The following PLEKHG7 variants were observed in gnomAD, a reference collection of about 807,000 sequenced individuals.
PLEKHG7 encodes the protein pleckstrin homology and RhoGEF domain containing G7.
PLEKHG7 carries 77 observed loss-of-function variants against 85.2 expected under a neutral mutation model. The observed-to-expected ratio is 0.90, with a 90% CI of 0.75 to 1.09. PLEKHG7 has a LOEUF of 1.09. PLEKHG7 is among the 50% of genes least tolerant of loss of function. PLEKHG7 has a pLI of 0.00. For synonymous variants in PLEKHG7, 301 were observed against 302.4 expected (o/e 1.00, Z 0.05); for missense variants, 777 against 804.3 (o/e 0.97, Z 0.41).
At chr12:92,741,286 G>T (rs931532192) in intron 8 of PLEKHG7, among the ~76,000 whole-genome samples, 3 of 152,000 alleles carry the variant, frequency 2.0e-5, no homozygotes, top group Non-Finnish European at 2.9e-5. Flanking sequence ...AAAAGTAAAG[G>T]AAGAGAGATA....
At chr12:92,718,820 G>A (rs1871559637) in intron 3 of PLEKHG7, among the ~76,000 whole-genome samples, 1 of 152,198 alleles carries the variant, frequency 6.6e-6, no homozygotes, top group Admixed American at 6.5e-5. Context: ...GCAGTTGCCA[G>A]CAGTTACCAT....
chr12:92,708,851 G>A (rs756438213), intron 3 of PLEKHG7, among the ~76,000 whole-genome samples: 3 of 152,212 alleles, frequency 2.0e-5, no homozygotes, highest in Admixed American at 1.3e-4. Flanking sequence ...CCAACAGTGG[G>A]AGAGCATTGA....
intron 3 of PLEKHG7, among the ~76,000 whole-genome samples, chr12:92,715,833 C>T (rs1388775075): frequency 1.3e-5 from 2 of 151,814 alleles, no homozygotes; most frequent in Admixed American, 1.3e-4. Context: ...AACGCCCACT[C>T]ATTTGTGCAT....
chr12:92,709,468 TA>T (rs1871326519), intron 3 of PLEKHG7, among the ~76,000 whole-genome samples: 1 of 152,208 alleles, frequency 6.6e-6, no homozygotes, highest in African/African-American at 2.4e-5. Context: ...TTTGAGGAAC[TA>T]TGAAACATCT....
chr12:92,726,683 C>A (rs1871827151), intron 3 of PLEKHG7, among the ~76,000 whole-genome samples: 1 of 152,094 alleles, frequency 6.6e-6, no homozygotes, highest in Non-Finnish European at 1.5e-5. Context: ...GCACTGTTCC[C>A]TACTGTGTCT....
At chr12:92,761,601 G>GAA in intron 13 of PLEKHG7, 151 bp from the exon 14 acceptor site, 2 of 978,662 alleles carry the variant, frequency 2.0e-6, no homozygotes, top group Non-Finnish European at 2.7e-6. Context: ...TGAAAAGAAA[G>GAA]AAAGAAAAAG....
chr12:92,761,723 C>G, intron 13 of PLEKHG7, 29 bp from the exon 14 acceptor site: 1 of 1,538,658 alleles, frequency 6.5e-7, no homozygotes, highest in Non-Finnish European at 8.7e-7. Flanking sequence ...GTTTCAGGTC[C>G]CCATTTCAGC....
chr12:92,744,403 G>C (rs893178650), intron 9 of PLEKHG7, among the ~76,000 whole-genome samples: 11 of 152,192 alleles, frequency 7.2e-5, no homozygotes, highest in African/African-American at 2.6e-4. Context: ...CAAGAAAGAC[G>C]CTTAATTGAG....
intron 13 of PLEKHG7, 84 bp from the exon 14 acceptor site, chr12:92,761,668 A>G (rs1342729879): frequency 7.9e-7 from 1 of 1,273,638 alleles, no homozygotes; most frequent in Admixed American, 4.1e-5. Context: ...GAAAGAAAGA[A>G]AGAAAGAAAG....
rs575561271 is a variant in PLEKHG7 at position 92,756,351 on chromosome 12, C to G, written c.1596C>G (p.Thr532=). The change falls in exon 13 of 17, where the codon ACC becomes ACG. Residue 532 remains threonine, a synonymous_variant. Coordinates refer to ENST00000344636, the MANE Select transcript of PLEKHG7 (RefSeq NM_001377329.1). ...EHMAENILSP[T]SRHLLYEGKL... ...TGGCAGAAAACATCTTGTCACCAAC[C>G]AGCAGACACCTTCTCTATGAAGGAA... is the stretch of plus-strand genomic sequence containing the variant. 184 of 1,613,304 alleles carry G rather than the reference C, an allele frequency of 1.1e-4. 2 individuals are homozygous for G. In the South Asian group the frequency reaches 1.9e-3, roughly 16 times the overall value.
At position 92,770,158 on chromosome 12, in the gene PLEKHG7, C is replaced by G. The variant is rs1205218743; in HGVS notation, c.2039C>G (p.Ser680Cys). Residue 680 changes from serine (S) to cysteine (C), a missense_variant, in exon 17 of 17, where the codon TCT becomes TGT. By Grantham distance (112) the Ser-to-Cys change is moderately radical (BLOSUM62 -1). Transcript: ENST00000344636. ...FTKSQETKKI[S>C]LFTLPAESSE... ...AAGAGTCAGGAAACCAAGAAAATAT[C>G]TTTATTCACATTGCCCGCAGAATCC... 1.2e-6 allele frequency: 2 copies of G among 1,607,202 alleles called. No homozygotes were observed. The highest frequency in any genetic ancestry group is 1.7e-6 in the Non-Finnish European group (2 of 1,176,966).
At chr12:92,759,081 A>C (rs927282086) in intron 13 of PLEKHG7, among the ~76,000 whole-genome samples, 5 of 152,224 alleles carry the variant, frequency 3.3e-5, no homozygotes, top group African/African-American at 1.2e-4. Flanking sequence ...CCTAACACAT[A>C]CTGTGTTTCC....
chr12:92,704,593 G>A (rs191365022), intron 1 of PLEKHG7, among the ~76,000 whole-genome samples: 1 of 152,294 alleles, frequency 6.6e-6, no homozygotes, highest in East Asian at 1.9e-4. Flanking sequence ...TATAACAATT[G>A]AGTCCTCAGC....
At chr12:92,743,495 A>G (rs1872428410) in intron 9 of PLEKHG7, among the ~76,000 whole-genome samples, 1 of 151,754 alleles carries the variant, frequency 6.6e-6, no homozygotes. Context: ...AGCTAAGATC[A>G]TATAGCCAAT....
chr12:92,707,779 G>A, intron 3 of PLEKHG7, 107 bp downstream of exon 3: 2 of 1,577,096 alleles, frequency 1.3e-6, no homozygotes, highest in Non-Finnish European at 1.7e-6. Flanking sequence ...GTTAACCAGT[G>A]CACTTTGTTT....
At chr12:92,761,631 A>AAAG (rs1555196588) in intron 13 of PLEKHG7, 121 bp from the exon 14 acceptor site, 9 of 155,428 alleles carry the variant, frequency 5.8e-5, no homozygotes, top group East Asian at 4.5e-4. Context: ...AAGAAGAAAG[A>AAAG]AAGAAAGAAA....
intron 9 of PLEKHG7, among the ~76,000 whole-genome samples, chr12:92,743,199 G>A (rs564381561): frequency 2.6e-5 from 4 of 152,180 alleles, no homozygotes; most frequent in African/African-American, 7.2e-5. Context: ...CCACTACCTG[G>A]AACATTACCA....
At chr12:92,768,865 C>A in intron 15 of PLEKHG7, 118 bp from the exon 16 acceptor site, 1 of 638,220 alleles carries the variant, frequency 1.6e-6, no homozygotes, top group South Asian at 2.5e-5. Context: ...AACCTCCCAC[C>A]CTCGTTAAAA....
chr12:92,765,289 C>A (rs1873159233), intron 15 of PLEKHG7, among the ~76,000 whole-genome samples: 1 of 148,524 alleles, frequency 6.7e-6, no homozygotes. Flanking sequence ...GAGTTTGAGA[C>A]CAGCCTGGGC....
Sources: gnomAD v4.1 joint callset for allele counts (sites outside exome capture counted in the v4.1 genomes callset) on GRCh38, gnomAD v4.1.1 for gene constraint, MANE v1.5 for transcripts, NCBI Gene and HGNC (gene_info 2026-07-23, HGNC 2026-07-21) for gene names.